KBTBD8: variants seen among roughly 807,000 people sequenced by gnomAD.
The protein encoded by KBTBD8 is kelch repeat and BTB domain containing 8, also known as kelch repeat and BTB domain-containing protein 8.
In KBTBD8, 31 loss-of-function variants were observed where a neutral mutation model predicts 53.5. That is an observed-to-expected ratio of 0.58 (90% CI 0.44 to 0.78). The LOEUF (loss-of-function observed/expected upper bound fraction) is 0.78. Ranked by LOEUF, KBTBD8 falls within the 30% of genes least tolerant of loss-of-function variation. The pLI is 0.00. For missense variants in KBTBD8, 642 were observed against 735.8 expected (o/e 0.87, Z 1.48); for synonymous variants, 250 against 247.3 (o/e 1.01, Z -0.10).
intron 2 of KBTBD8, among the ~76,000 whole-genome samples, chr3:67,002,948 G>A (rs1168964716): frequency 2.0e-5 from 3 of 152,128 alleles, no homozygotes; most frequent in Non-Finnish European, 4.4e-5. Flanking sequence ...TTACTTAGGT[G>A]TACTCTCCTT....
intron 3 of KBTBD8, among the ~76,000 whole-genome samples, chr3:67,004,559 T>C (rs1702047902): frequency 6.6e-6 from 1 of 152,252 alleles, no homozygotes; most frequent in Non-Finnish European, 1.5e-5. Flanking sequence ...TGATATCATG[T>C]AGAATAACTA....
In KBTBD8 at chr3:67,004,309, G is replaced by A; in HGVS notation, c.1342G>A (p.Gly448Arg). The change falls in exon 3 of 4, where the codon GGA (glycine) becomes AGA (arginine). Residue 448 changes from glycine (G) to arginine (R), a missense_variant and splice_region_variant. Coordinates refer to ENST00000417314, the MANE Select transcript of KBTBD8 (RefSeq NM_032505.3). ...CAAAGAGAAGATCTATGTTTTACAG[G>A]GTAGGTGCCTAAGTGATTTAGTTTT... ...EYKEKIYVLQ[G>R]EFFLFYEPQK... The A allele has an allele frequency of 6.2e-7, 1 of 1,610,116 alleles. No individual in the cohort carries two copies. Among genetic ancestry groups the A allele is most frequent in the Non-Finnish European group, 8.5e-7 (1 of 1,176,738 alleles).
Position 67,003,439 on chromosome 3 carries a change from T to G in KBTBD8, c.472T>G (p.Phe158Val). Residue 158 changes from phenylalanine (F) to valine (V), a missense_variant, in exon 3 of 4, where the codon TTT (phenylalanine) becomes GTT (valine). Physicochemically the swap from Phe to Val is conservative, Grantham distance 50. Coordinates refer to ENST00000417314, the MANE Select transcript of KBTBD8 (RefSeq NM_032505.3). Reference sequence around the variant, plus strand: ...ACAGAATTCTATTGGGGTCTTTATCTTTGCTGATCATTATGGTCATCAGGA... The same window carrying G: ...ACAGAATTCTATTGGGGTCTTTATCGTTGCTGATCATTATGGTCATCAGGA... ...DPQNSIGVFIFADHYGHQELG... is the reference protein window; with the variant it reads ...DPQNSIGVFIVADHYGHQELG... 1 of 1,614,114 alleles carries G rather than the reference T, an allele frequency of 6.2e-7. No homozygotes were observed. The highest frequency in any genetic ancestry group is 8.5e-7 in the Non-Finnish European group (1 of 1,179,972).
In KBTBD8 at chr3:66,998,339, C is replaced by A. The variant is rs762828502; in HGVS notation, c.-17C>A. On this transcript the variant is annotated 5_prime_UTR_variant, in exon 1 of 4. Transcript: ENST00000417314. The stretch of plus-strand genomic sequence containing the variant: ...CATTTCCTTTTTAAATAGCTGGAGT[C>A]GGGGCCCCATCGAGAAATGGCCGCG... 1 of 1,252,410 alleles carries A rather than the reference C, an allele frequency of 8.0e-7. No homozygotes were observed. The highest frequency in any genetic ancestry group is 1.0e-6 in the Non-Finnish European group (1 of 988,196). The allele number at this position is 1,252,410 out of a possible 1,614,324, so 77.6% of individuals were successfully genotyped here.
Position 67,003,414 on chromosome 3 carries a change from A to G in KBTBD8, c.447A>G (p.Pro149=). 1 of 1,614,100 alleles carries G rather than the reference A, an allele frequency of 6.2e-7. No homozygotes were observed. Among genetic ancestry groups the G allele is most frequent in the East Asian group, 2.2e-5 (1 of 44,878 alleles). The change falls in exon 3 of 4, where the codon CCA becomes CCG. Residue 149 remains proline (P), a synonymous_variant. Transcript: ENST00000417314. Reference sequence around the variant, plus strand: ...AGTATATGATCAGTCATTTGGACCCACAGAATTCTATTGGGGTCTTTATCT... The same window carrying G: ...AGTATATGATCAGTCATTTGGACCCGCAGAATTCTATTGGGGTCTTTATCT... The part of the protein sequence containing the change: ...CAKYMISHLD[P]QNSIGVFIFA...
chr3:66,999,484 G>A (rs1389160399), intron 2 of KBTBD8, among the ~76,000 whole-genome samples: 1 of 152,168 alleles, frequency 6.6e-6, no homozygotes, highest in Non-Finnish European at 1.5e-5. Flanking sequence ...GTAGCCATGT[G>A]TGGCTGTTTA....
Position 67,003,313 on chromosome 3 carries a change from A to G in KBTBD8, c.346A>G (p.Thr116Ala). The stretch of plus-strand genomic sequence containing the variant: ...TGCCTACACTTCCAGAGTTATTCTT[A>G]CAGAGGCCAATGTTCAAGCCTTGTT... ...NYAYTSRVILTEANVQALFTA... is the reference protein window; with the variant it reads ...NYAYTSRVILAEANVQALFTA... Residue 116 changes from threonine to alanine, a missense_variant, in exon 3 of 4, where the codon ACA becomes GCA. Physicochemically the swap from Thr to Ala is moderately conservative, Grantham distance 58. Coordinates refer to ENST00000417314, the MANE Select transcript of KBTBD8 (RefSeq NM_032505.3). 1.2e-6 allele frequency: 2 copies of G among 1,614,176 alleles called. No homozygotes were observed. Among genetic ancestry groups the G allele is most frequent in the Non-Finnish European group, 1.7e-6 (2 of 1,180,036 alleles).
In KBTBD8 at chr3:67,009,917, C is replaced by T. The variant is rs1454417652; in HGVS notation, c.*1532C>T. On this transcript the variant is annotated 3_prime_UTR_variant, in exon 4 of 4. Transcript: ENST00000417314. Reference sequence around the variant, plus strand: ...CAAATTGTAATGTGATACTGTGAAACAAATTGAAAACATTGCCTCTTTGCA... The same window carrying T: ...CAAATTGTAATGTGATACTGTGAAATAAATTGAAAACATTGCCTCTTTGCA... The T allele has an allele frequency of 6.6e-6, 1 of 152,596 alleles. No homozygotes were observed. 9.5% of individuals were successfully genotyped at this position (152,596 alleles called of 1,614,324 possible).
chr3:67,002,627 T>C (rs1456079665), intron 2 of KBTBD8, among the ~76,000 whole-genome samples: 1 of 147,524 alleles, frequency 6.8e-6, no homozygotes, highest in Non-Finnish European at 1.5e-5. Flanking sequence ...CTCAGCCTCC[T>C]GAGTAGCTGG....
At chr3:66,999,465 T>G (rs1329313073) in intron 2 of KBTBD8, among the ~76,000 whole-genome samples, 1 of 152,220 alleles carries the variant, frequency 6.6e-6, no homozygotes, top group African/African-American at 2.4e-5. Flanking sequence ...CTGGTCAGTA[T>G]GGAAGCCAGT....
At chr3:67,002,230 A>G (rs1702023754) in intron 2 of KBTBD8, among the ~76,000 whole-genome samples, 1 of 152,182 alleles carries the variant, frequency 6.6e-6, no homozygotes, top group Admixed American at 6.5e-5. Context: ...GAGAAAATGA[A>G]GTATTTCCTT....
rs1376766743 is a variant in KBTBD8, at chr3:67,010,715, T to G, written c.*2330T>G. On this transcript the variant is annotated 3_prime_UTR_variant, in exon 4 of 4. Coordinates refer to ENST00000417314, the MANE Select transcript of KBTBD8 (RefSeq NM_032505.3). ...ACATGTGTGGGTTTATATTTAGATA[T>G]TTAAGGTGCATTTTCATAGTGTGGT... 6.6e-6 allele frequency: 1 copy of G among 152,564 alleles called. No homozygotes were observed. Among genetic ancestry groups the G allele is most frequent in the South Asian group, 2.1e-4 (1 of 4,822 alleles). 9.5% of individuals were successfully genotyped at this position (152,564 alleles called of 1,614,324 possible).
In KBTBD8 at chr3:67,004,168, G is replaced by A. The variant is rs1281882372; in HGVS notation, c.1201G>A (p.Glu401Lys). ...GTATGCAATCGGAGGTCGTGTTTAT[G>A]AAGGTGATGGGAGAAACTCACTAAA... ...KMYAIGGRVYEGDGRNSLKSV... is the reference protein window; with the variant it reads ...KMYAIGGRVYKGDGRNSLKSV... The change falls in exon 3 of 4, where the codon GAA becomes AAA. Residue 401 changes from glutamate to lysine, a missense_variant. Transcript: ENST00000417314. 6.2e-7 allele frequency: 1 copy of A among 1,614,228 alleles called. No individual in the cohort carries two copies. Among genetic ancestry groups the A allele is most frequent in the Non-Finnish European group, 8.5e-7 (1 of 1,180,052 alleles).
intron 1 of KBTBD8, 169 bp from the exon 2 acceptor site, chr3:66,998,812 T>C (rs1701987815): frequency 1.6e-6 from 1 of 626,008 alleles, no homozygotes; most frequent in Admixed American, 2.7e-5. Context: ...GCCCTCTGTC[T>C]CCCAGATCCT....
chr3:67,004,286 A>G lies in KBTBD8; in HGVS notation c.1319A>G (p.Lys440Arg). ...GAATTTCATAATGCTGTGGAGTACA[A>G]AGAGAAGATCTATGTTTTACAGGGT... ...AMEFHNAVEY[K>R]EKIYVLQGEF... The change falls in exon 3 of 4, where the codon AAA becomes AGA. Residue 440 changes from lysine to arginine, a missense_variant. Lys to Arg is a conservative substitution (Grantham distance 26). Coordinates refer to ENST00000417314, the MANE Select transcript of KBTBD8 (RefSeq NM_032505.3). 6.2e-7 allele frequency: 1 copy of G among 1,613,928 alleles called. No individual in the cohort carries two copies. The highest frequency in any genetic ancestry group is 8.5e-7 in the Non-Finnish European group (1 of 1,179,764).
intron 3 of KBTBD8, among the ~76,000 whole-genome samples, chr3:67,004,833 T>G (rs2106759689): frequency 6.6e-6 from 1 of 152,328 alleles, no homozygotes; most frequent in Admixed American, 6.5e-5. Context: ...ATTATGAAAT[T>G]TAATTACAAA....
At chr3:67,001,788 C>T (rs1199333148) in intron 2 of KBTBD8, among the ~76,000 whole-genome samples, 2 of 152,090 alleles carry the variant, frequency 1.3e-5, no homozygotes, top group East Asian at 1.9e-4. Context: ...AAGTTGAGTC[C>T]TTGTACCTCC....
At chr3:67,006,594 C>T (rs1026280940) in intron 3 of KBTBD8, among the ~76,000 whole-genome samples, 13 of 152,098 alleles carry the variant, frequency 8.5e-5, no homozygotes, top group Non-Finnish European at 1.8e-4. Context: ...AGATGATGTG[C>T]GAGCAAATCT....
chr3:67,002,000 C>T (rs1288515566), intron 2 of KBTBD8, among the ~76,000 whole-genome samples: 1 of 152,100 alleles, frequency 6.6e-6, no homozygotes, highest in African/African-American at 2.4e-5. Context: ...AAGAGCCAGG[C>T]TGCTTAATGT....
Sources: gnomAD v4.1 joint callset for allele counts (sites outside exome capture counted in the v4.1 genomes callset) on GRCh38, gnomAD v4.1.1 for gene constraint, MANE v1.5 for transcripts, NCBI Gene and HGNC (gene_info 2026-07-23, HGNC 2026-07-21) for gene names.